FHAD1: variants seen among roughly 807,000 people sequenced by gnomAD.
FHAD1 encodes forkhead-associated domain-containing protein 1.
FHAD1 carries 146 observed loss-of-function variants against 191.3 expected under a neutral mutation model. That is an observed-to-expected ratio of 0.76 (90% CI 0.67 to 0.88). The LOEUF (loss-of-function observed/expected upper bound fraction) is 0.88, where lower values mean the gene tolerates loss of function less well. FHAD1 is among the 40% of genes least tolerant of loss of function. The pLI is 0.00. For synonymous variants in FHAD1, 616 were observed against 672.3 expected (o/e 0.92, Z 1.29); for missense variants, 1,635 against 1,785.8 (o/e 0.92, Z 1.52).
At chr1:15,398,881 C>T (rs1040121759), downstream of FHAD1, among the ~76,000 whole-genome samples, 3 of 150,862 alleles carry the variant, frequency 2.0e-5, no homozygotes, top group African/African-American at 7.3e-5. Flanking sequence ...AGTGCAATGG[C>T]GCGATCTCTG....
In FHAD1 at chr1:15,247,335, G is replaced by A. The variant is rs1347087810; in HGVS notation, c.-75G>A. 5 of 233,302 alleles carry A rather than the reference G, an allele frequency of 2.1e-5. No individual in the cohort carries two copies. Among genetic ancestry groups the A allele is most frequent in the Non-Finnish European group, 3.8e-5 (4 of 106,148 alleles). 14.5% of individuals were successfully genotyped at this position (233,302 alleles called of 1,614,324 possible). ...GGCTTCGCCCCGGAGCTGGCCCGAC[G>A]CCTCCCGAGCTGGCAGGGCTCTCGG... On this transcript the variant is annotated 5_prime_UTR_variant, in exon 1 of 34. Coordinates refer to ENST00000688493, the MANE Select transcript of FHAD1 (RefSeq NM_001391957.1).
At chr1:15,322,028 T>G (rs1030364826) in intron 10 of FHAD1, among the ~76,000 whole-genome samples, 2 of 152,228 alleles carry the variant, frequency 1.3e-5, no homozygotes, top group African/African-American at 2.4e-5. Context: ...TGCACCATTG[T>G]ATAATCTTTT....
intron 32 of FHAD1, chr1:15,388,455 T>G: frequency 1.8e-6 from 2 of 1,118,640 alleles, no homozygotes; most frequent in Non-Finnish European, 1.1e-6. Context: ...CCAGCACAGC[T>G]TCAGCTCATG....
At position 15,345,405 on chromosome 1, in the gene FHAD1, C is replaced by G. The variant is rs895117564; in HGVS notation, c.2239-11C>G. 24 of 1,550,016 alleles carry G rather than the reference C, an allele frequency of 1.5e-5. No homozygotes were observed. The highest frequency in any genetic ancestry group is 7.8e-5 in the Admixed American group (4 of 50,988). On this transcript the variant is annotated splice_polypyrimidine_tract_variant and intron_variant, in intron 17 of 33. Transcript: ENST00000688493. ...GTAACCATGTCTATTGAACAATGATCGTTGACTCAGGCTTTGGCGAAAAGC... is the reference window on the plus strand; with the variant it reads ...GTAACCATGTCTATTGAACAATGATGGTTGACTCAGGCTTTGGCGAAAAGC...
At chr1:15,386,669 G>A (rs1286916738) in intron 31 of FHAD1, among the ~76,000 whole-genome samples, 1 of 152,174 alleles carries the variant, frequency 6.6e-6, no homozygotes, top group African/African-American at 2.4e-5. Flanking sequence ...GGTCTCAGCT[G>A]GGCTGGAGCC....
At chr1:15,241,972 C>T (rs567977753) in intron 1 of FHAD1, among the ~76,000 whole-genome samples, 3 of 152,330 alleles carry the variant, frequency 2.0e-5, no homozygotes, top group Non-Finnish European at 2.9e-5. Flanking sequence ...CAGTGGCTCA[C>T]GCCTCTAATC....
At chr1:15,301,763 C>T (rs1228203284) in intron 6 of FHAD1, among the ~76,000 whole-genome samples, 1 of 152,180 alleles carries the variant, frequency 6.6e-6, no homozygotes, top group Non-Finnish European at 1.5e-5. Context: ...CGCTGTGGCT[C>T]ACACCTGTAA....
chr1:15,399,922 T>A (rs904314910), downstream of FHAD1: 1 of 152,254 alleles, frequency 6.6e-6, no homozygotes, highest in Non-Finnish European at 1.5e-5. Context: ...GGCTCAAAGC[T>A]AATCACCATG....
At chr1:15,346,670 T>G (rs1689030684) in intron 18 of FHAD1, among the ~76,000 whole-genome samples, 1 of 152,232 alleles carries the variant, frequency 6.6e-6, no homozygotes, top group Non-Finnish European at 1.5e-5. Context: ...GGATTCATGT[T>G]TAGCTTGTGG....
intron 1 of FHAD1, among the ~76,000 whole-genome samples, chr1:15,240,616 G>T (rs1450819594): frequency 1.5e-5 from 2 of 135,096 alleles, no homozygotes; most frequent in Non-Finnish European, 3.1e-5. Flanking sequence ...TGGACAACAG[G>T]AGAGACCCTG....
At chr1:15,273,763 G>A (rs762018170) in intron 3 of FHAD1, among the ~76,000 whole-genome samples, 15 of 152,130 alleles carry the variant, frequency 9.9e-5, no homozygotes, top group East Asian at 3.8e-4. Context: ...CGTATTCACC[G>A]TTTCTAAGGA....
At chr1:15,383,018 G>A (rs1035920029) in intron 31 of FHAD1, 9 of 456,730 alleles carry the variant, frequency 2.0e-5, no homozygotes, top group African/African-American at 4.0e-5. Flanking sequence ...ACACACACGC[G>A]CACGCGCACA....
chr1:15,325,236 G>T lies in FHAD1; in HGVS notation c.1473+677G>T, dbSNP rs1224548642. On this transcript the variant is annotated intron_variant, in intron 11 of 33. Transcript: ENST00000688493. The surrounding 1 kb of genome is among the most constrained non-coding windows in gnomAD (Gnocchi z 4.6). ...CCCTGAGGAATGTGGTCCCCCAGGG[G>T]CAGCCCACCCTAGATTCCTCCACAG... is the stretch of plus-strand genomic sequence containing the variant. 2.0e-5 allele frequency: 3 copies of T among 152,516 alleles called. No homozygotes were observed. Among genetic ancestry groups the T allele is most frequent in the Admixed American group, 2.0e-4 (3 of 15,322 alleles). 9.4% of individuals were successfully genotyped at this position (152,516 alleles called of 1,614,324 possible). A position where few individuals can be genotyped will look rare whatever the true frequency, so the allele number is the denominator to read the frequency against.
At chr1:15,365,793 T>G (rs990746286) in intron 23 of FHAD1, 34 bp from the exon 24 acceptor site, 15 of 1,388,132 alleles carry the variant, frequency 1.1e-5, no homozygotes, top group Admixed American at 9.9e-5. Flanking sequence ...GGAGTTTGAG[T>G]TGAACTGACT....
Position 15,329,768 on chromosome 1 carries a change from G to C in FHAD1, c.1906+227G>C. On this transcript the variant is annotated intron_variant, in intron 14 of 33. Coordinates refer to ENST00000688493, the MANE Select transcript of FHAD1 (RefSeq NM_001391957.1). This position sits in a 1 kb window ranked among gnomAD's most constrained non-coding sequence, Gnocchi z 5.0. ...CTGAAGAAAAATGAAACAAAACAGA[G>C]GCAAAAGGAAAATTAAATCGAAATT... The C allele has an allele frequency of 2.1e-6, 1 of 486,982 alleles. No individual in the cohort carries two copies. Among genetic ancestry groups the C allele is most frequent in the Non-Finnish European group, 3.7e-6 (1 of 271,464 alleles). 30.2% of individuals were successfully genotyped at this position (486,982 alleles called of 1,614,324 possible).
chr1:15,373,686 C>T lies in FHAD1; in HGVS notation c.3448-816C>T, dbSNP rs115488310. 3.4e-3 allele frequency among the ~76,000 whole-genome samples: 516 copies of T among 152,194 alleles called. 1 individual carries two copies. The highest frequency in any genetic ancestry group is 0.012 in the African/African-American group (497 of 41,536). Reference sequence around the variant, plus strand: ...TGGGCAACAAAGCGACATCCTGTCTCTACAAAAAAATAGAGAAAAATTAGT... The same window carrying T: ...TGGGCAACAAAGCGACATCCTGTCTTTACAAAAAAATAGAGAAAAATTAGT... On this transcript the variant is annotated intron_variant, in intron 26 of 33. Transcript: ENST00000688493.
At chr1:15,307,480 T>C (rs902023810) in intron 6 of FHAD1, among the ~76,000 whole-genome samples, 4 of 152,124 alleles carry the variant, frequency 2.6e-5, no homozygotes, top group African/African-American at 9.7e-5. Flanking sequence ...TTTGGCTGTG[T>C]CTCCACCAAA....
chr1:15,393,860 C>T (rs965174444), intron 33 of FHAD1, among the ~76,000 whole-genome samples: 9 of 151,912 alleles, frequency 5.9e-5, no homozygotes, highest in Non-Finnish European at 1.2e-4. Context: ...CTGAGCTGAG[C>T]ATATTTCACA....
At chr1:15,283,057 C>T (rs1413705394) in intron 3 of FHAD1, among the ~76,000 whole-genome samples, 1 of 152,234 alleles carries the variant, frequency 6.6e-6, no homozygotes, top group Non-Finnish European at 1.5e-5. Flanking sequence ...AGCTCAAAGA[C>T]AATTCTGCAG....
Sources: allele counts gnomAD v4.1 joint callset (sites outside exome capture counted in the v4.1 genomes callset), GRCh38; gene constraint gnomAD v4.1.1; non-coding constraint Gnocchi (gnomAD v3.1); transcripts MANE v1.5; gene names NCBI Gene and HGNC (gene_info 2026-07-23, HGNC 2026-07-21).